TANC2: variants seen among roughly 807,000 people sequenced by gnomAD.
TANC2 encodes tetratricopeptide repeat, ankyrin repeat and coiled-coil containing 2, also known as protein TANC2.
In TANC2, 26 loss-of-function variants were observed where a neutral mutation model predicts 210.5. The ratio of observed to expected loss-of-function variants is 0.12; its 90% CI spans 0.09 to 0.17. The LOEUF (loss-of-function observed/expected upper bound fraction) is 0.17. TANC2 is among the 10% of genes least tolerant of loss of function. The probability of loss-of-function intolerance (pLI) is 1.00; values close to 1 mark genes in which losing one functional copy is unlikely to be tolerated. For synonymous variants in TANC2, 931 were observed against 967.1 expected (o/e 0.96, Z 0.69); for missense variants, 2,129 against 2,608.9 (o/e 0.82, Z 4.01).
intron 7 of TANC2, among the ~76,000 whole-genome samples, chr17:63,205,838 G>C (rs1323365056): frequency 6.6e-6 from 1 of 152,082 alleles, no homozygotes; most frequent in African/African-American, 2.4e-5. Flanking sequence ...AAGCCGGGAA[G>C]CAGAGGTGGC....
chr17:63,158,793 A>G (rs984239182), intron 5 of TANC2, among the ~76,000 whole-genome samples: 2 of 152,242 alleles, frequency 1.3e-5, no homozygotes, highest in Admixed American at 1.3e-4. Context: ...CAAATGCAGC[A>G]TAGCAGGGTT....
At chr17:63,111,373 T>C (rs2038036931) in intron 4 of TANC2, among the ~76,000 whole-genome samples, 1 of 152,180 alleles carries the variant, frequency 6.6e-6, no homozygotes, top group Non-Finnish European at 1.5e-5. Flanking sequence ...TAGAAGGTGA[T>C]TCATAAATGA....
At chr17:63,253,317 G>A (rs936913506) in intron 8 of TANC2, among the ~76,000 whole-genome samples, 2 of 152,018 alleles carry the variant, frequency 1.3e-5, no homozygotes, top group Non-Finnish European at 2.9e-5. Flanking sequence ...AGTTATTTGA[G>A]CTCCTTATAC....
intron 4 of TANC2, among the ~76,000 whole-genome samples, chr17:63,146,693 T>C (rs1259893895): frequency 6.6e-6 from 1 of 152,154 alleles, no homozygotes; most frequent in Non-Finnish European, 1.5e-5. Flanking sequence ...CTAAAGACAA[T>C]ACCTCAGTAA....
intron 7 of TANC2, among the ~76,000 whole-genome samples, chr17:63,220,951 C>T (rs921899228): frequency 8.6e-5 from 13 of 151,296 alleles, no homozygotes; most frequent in Admixed American, 5.3e-4. Flanking sequence ...AAAAATTCAA[C>T]GTGGATCATA....
intron 3 of TANC2, among the ~76,000 whole-genome samples, chr17:63,087,607 G>A (rs746907347): frequency 6.6e-6 from 1 of 152,090 alleles, no homozygotes; most frequent in Non-Finnish European, 1.5e-5. Context: ...ACTTTCCTCT[G>A]CCCCTCCTGG....
At chr17:63,162,088 C>T (rs193183926) in intron 5 of TANC2, among the ~76,000 whole-genome samples, 63 of 152,040 alleles carry the variant, frequency 4.1e-4, no homozygotes, top group African/African-American at 1.4e-3. Flanking sequence ...GAGGATCATT[C>T]GAGGCCGGGA....
intron 8 of TANC2, among the ~76,000 whole-genome samples, chr17:63,257,299 G>C (rs1198963239): frequency 6.6e-6 from 1 of 150,940 alleles, no homozygotes. Context: ...TTTATTTTTT[G>C]TGTATCTGTT....
intron 7 of TANC2, among the ~76,000 whole-genome samples, chr17:63,225,740 A>G (rs1473227892): frequency 6.6e-6 from 1 of 152,122 alleles, no homozygotes; most frequent in Non-Finnish European, 1.5e-5. Context: ...CTCCTTTGTC[A>G]TTTCTTAATA....
intron 14 of TANC2, 50 bp from the exon 15 acceptor site, chr17:63,379,668 C>A: frequency 7.0e-7 from 1 of 1,419,696 alleles, no homozygotes; most frequent in Non-Finnish European, 9.6e-7. Context: ...GACTCCATCT[C>A]AATAAATAAA....
At chr17:63,372,543 A>G (rs934289243) in intron 14 of TANC2, among the ~76,000 whole-genome samples, 12 of 152,370 alleles carry the variant, frequency 7.9e-5, no homozygotes, top group Non-Finnish European at 1.3e-4. Flanking sequence ...TGAAGAATAT[A>G]AAAGAAATAT....
At chr17:63,389,849 A>C in intron 17 of TANC2, 2 of 350,174 alleles carry the variant, frequency 5.7e-6, no homozygotes, top group Non-Finnish European at 1.1e-5. Context: ...CTTTTTAACA[A>C]AGAGAGGAAG....
chr17:63,413,630 A>G, exon 25 of TANC2: 1 of 1,594,642 alleles, frequency 6.3e-7, no homozygotes, highest in Non-Finnish European at 8.5e-7. Context: ...GACATGTTTT[A>G]TAAGGTGAGG....
chr17:63,321,672 T>A (rs1457419006), intron 11 of TANC2, among the ~76,000 whole-genome samples: 1 of 152,214 alleles, frequency 6.6e-6, no homozygotes, highest in Non-Finnish European at 1.5e-5. Context: ...AAAAGAGGGC[T>A]GGAGCTTCAC....
chr17:63,099,646 T>C (rs376954876), intron 4 of TANC2, among the ~76,000 whole-genome samples: 16 of 152,334 alleles, frequency 1.1e-4, no homozygotes, highest in African/African-American at 3.8e-4. Flanking sequence ...TACACTGTTG[T>C]TCTGATTTCA....
chr17:63,383,687 A>T (rs1430762493), intron 15 of TANC2, among the ~76,000 whole-genome samples: 3 of 152,224 alleles, frequency 2.0e-5, no homozygotes, highest in African/African-American at 7.2e-5. Flanking sequence ...GCAGGTTTTT[A>T]TGTGAACATA....
chr17:63,132,248 T>G (rs150882377), intron 4 of TANC2, among the ~76,000 whole-genome samples: 99 of 152,282 alleles, frequency 6.5e-4, no homozygotes, highest in African/African-American at 2.3e-3. Flanking sequence ...AGGATTTTTT[T>G]TTTTCGAATC....
intron 5 of TANC2, among the ~76,000 whole-genome samples, chr17:63,173,964 T>TC (rs1406032690): frequency 6.6e-6 from 1 of 152,230 alleles, no homozygotes; most frequent in Non-Finnish European, 1.5e-5. Context: ...ATAATTCCAC[T>TC]CTACAAGTTC....
At chr17:63,402,925 T>A (rs1204306833) in intron 19 of TANC2, among the ~76,000 whole-genome samples, 3 of 152,260 alleles carry the variant, frequency 2.0e-5, no homozygotes, top group Non-Finnish European at 4.4e-5. Flanking sequence ...AGACTCCATT[T>A]TACATAGTTG....
Sources: gnomAD v4.1 joint callset for allele counts (sites outside exome capture counted in the v4.1 genomes callset) on GRCh38, gnomAD v4.1.1 for gene constraint, MANE v1.5 for transcripts, NCBI Gene and HGNC (gene_info 2026-07-23, HGNC 2026-07-21) for gene names.